The following IRAG1 variants were observed in gnomAD, a reference collection of about 807,000 sequenced individuals.
IRAG1 encodes inositol 1,4,5-triphosphate receptor associated 1, also known as IP3R-associated cGMP kinase substrate.
IRAG1 carries 62 observed loss-of-function variants against 106.2 expected under a neutral mutation model. That is an observed-to-expected ratio of 0.58 (90% CI 0.48 to 0.72). The LOEUF (loss-of-function observed/expected upper bound fraction) is 0.72, where lower values mean the gene tolerates loss of function less well. Among genes scored for constraint, IRAG1 ranks in the 30% least tolerant of loss-of-function variants. The pLI is 0.00. For synonymous variants in IRAG1, 462 were observed against 443.9 expected (o/e 1.04, Z -0.51); for missense variants, 1,064 against 1,140.7 (o/e 0.93, Z 0.97).
chr11:10,622,615 C>A (rs1855918661), intron 10 of IRAG1, among the ~76,000 whole-genome samples: 1 of 152,100 alleles, frequency 6.6e-6, no homozygotes, highest in African/African-American at 2.4e-5. Context: ...AGCGATCCTC[C>A]CACCTCAGCC....
chr11:10,681,019 G>A (rs1861212805), intron 1 of IRAG1, among the ~76,000 whole-genome samples: 1 of 152,208 alleles, frequency 6.6e-6, no homozygotes, highest in African/African-American at 2.4e-5. Context: ...GCAGATGGTA[G>A]TTAGCTGCTT....
intron 1 of IRAG1, among the ~76,000 whole-genome samples, chr11:10,672,570 C>T (rs374273518): frequency 7.9e-5 from 12 of 152,256 alleles, no homozygotes; most frequent in African/African-American, 2.4e-4. Flanking sequence ...AGCACATGAA[C>T]AGATGTTCAA....
intron 1 of IRAG1, chr11:10,658,685 G>A (rs927671547): frequency 1.5e-5 from 3 of 195,314 alleles, no homozygotes; most frequent in African/African-American, 2.4e-5. Flanking sequence ...TCCGTGCTGT[G>A]GTCAGTCCCA....
rs1222941591 is a variant in IRAG1 at position 10,654,240 on chromosome 11, C to CT, written c.68-2059_68-2058insA. On this transcript the variant is annotated intron_variant, in intron 1 of 20. Coordinates refer to ENST00000423302, the MANE Select transcript of IRAG1 (RefSeq NM_130385.4). ...ATCAGCCCAGCTCTGACAGACCCCC[C>CT]AGCCAACACACATACCTCTAGACTC... Among the ~76,000 whole-genome samples, 4 of 152,244 alleles carry CT rather than the reference C, an allele frequency of 2.6e-5. No homozygotes were observed. The East Asian group carries it at 7.7e-4, about 29-fold the overall frequency.
Position 10,633,976 on chromosome 11 carries a change from C to T in IRAG1, c.321G>A (p.Leu107=), listed in dbSNP as rs1856940394. The T allele has an allele frequency of 6.2e-7, 1 of 1,609,926 alleles. No individual in the cohort carries two copies. The highest frequency in any genetic ancestry group is 8.5e-7 in the Non-Finnish European group (1 of 1,177,410). Residue 107 remains leucine, a synonymous_variant, in exon 3 of 21, where the codon CTG becomes CTA. Coordinates refer to ENST00000423302, the MANE Select transcript of IRAG1 (RefSeq NM_130385.4). ...TSPEGETDKN[L]ANRVHSPHKR... The stretch of plus-strand genomic sequence containing the variant: ...GGATCAGGCACCTGTACCTGTTGGC[C>T]AGGTTTTTGTCGGTTTCTCCTTCTG...
chr11:10,625,748 C>A (rs1413726051), intron 9 of IRAG1, among the ~76,000 whole-genome samples: 1 of 151,876 alleles, frequency 6.6e-6, no homozygotes, highest in Non-Finnish European at 1.5e-5. Flanking sequence ...CTGAGCTCTG[C>A]CTGGTAACTG....
Position 10,609,733 on chromosome 11 carries a change from A to C in IRAG1, c.1566T>G (p.Pro522=), listed in dbSNP as rs1854788299. ...AACCCACATCCTGATTTTACCTTCC[A>C]GGGAGACTCCTGTGGACCCGCAGTT... is the stretch of plus-strand genomic sequence containing the variant. The part of the protein sequence containing the change: ...LRKLRVHRSL[P]GSAPPLTEKE... Residue 522 remains proline, a synonymous_variant, in exon 11 of 21, where the codon CCT becomes CCG. Transcript: ENST00000423302. 1 of 1,613,640 alleles carries C rather than the reference A, an allele frequency of 6.2e-7. No individual in the cohort carries two copies. Among genetic ancestry groups the C allele is most frequent in the South Asian group, 1.1e-5 (1 of 91,054 alleles).
intron 10 of IRAG1, among the ~76,000 whole-genome samples, chr11:10,623,142 T>C (rs547126463): frequency 3.1e-3 from 470 of 152,250 alleles, no homozygotes; most frequent in Non-Finnish European, 4.0e-3. Flanking sequence ...GGGCTCGACA[T>C]ACTCATGCAG....
At chr11:10,593,868 G>A (rs1249600786) in intron 16 of IRAG1, 3 of 572,436 alleles carry the variant, frequency 5.2e-6, no homozygotes, top group African/African-American at 3.8e-5. Flanking sequence ...ACAGTCTCTG[G>A]GTAACACCCT....
Position 10,581,927 on chromosome 11 carries a change from C to T in IRAG1, c.2300G>A (p.Cys767Tyr), listed in dbSNP as rs543314472. Residue 767 changes from cysteine (C) to tyrosine (Y), a missense_variant, in exon 19 of 21, where the codon TGC (cysteine) becomes TAC (tyrosine). Transcript: ENST00000423302. ...EASAPALTLS[C>Y]LEELSQETKA... is the part of the protein sequence containing the mutation. ...GGTCTCCTGACTAAGCTCCTCCAGG[C>T]AGCTCAGGGTCAGCGCAGGAGCAGA... 5.0e-6 allele frequency: 8 copies of T among 1,613,840 alleles called. No homozygotes were observed. The highest frequency in any genetic ancestry group is 5.9e-6 in the Non-Finnish European group (7 of 1,179,842).
At chr11:10,594,910 ATG>A (rs934893200) in intron 15 of IRAG1, among the ~76,000 whole-genome samples, 4 of 152,078 alleles carry the variant, frequency 2.6e-5, no homozygotes, top group Admixed American at 1.3e-4. Flanking sequence ...ACATAGCCGT[ATG>A]TGTTTTTTCA....
chr11:10,594,625 A>T (rs948365304), intron 15 of IRAG1, among the ~76,000 whole-genome samples: 7 of 152,190 alleles, frequency 4.6e-5, no homozygotes, highest in African/African-American at 1.7e-4. Context: ...TTGCTAACAG[A>T]AGTAGTTTCA....
chr11:10,669,003 A>G (rs961780375), intron 1 of IRAG1, among the ~76,000 whole-genome samples: 18 of 152,150 alleles, frequency 1.2e-4, no homozygotes, highest in Admixed American at 9.8e-4. Flanking sequence ...ATTTCCCCTG[A>G]TAGAGAGGGG....
intron 17 of IRAG1, 139 bp downstream of exon 17, chr11:10,593,353 T>C: frequency 1.6e-6 from 1 of 628,538 alleles, no homozygotes; most frequent in Admixed American, 2.9e-5. Flanking sequence ...TTTGAGCCTA[T>C]CACTCAGATT....
At position 10,606,789 on chromosome 11, in the gene IRAG1, A is replaced by C; in HGVS notation, c.1572-17T>G. The C allele has an allele frequency of 6.4e-7, 1 of 1,574,298 alleles. No individual in the cohort carries two copies. The highest frequency in any genetic ancestry group is 8.6e-7 in the Non-Finnish European group (1 of 1,158,676). On this transcript the variant is annotated splice_polypyrimidine_tract_variant and intron_variant, in intron 11 of 20. Transcript: ENST00000423302. ...GGAGGGGCACTGTGAAAAAGAAAACACACAATTGAACTGTGTGCAACCTAG... is the reference window on the plus strand; with the variant it reads ...GGAGGGGCACTGTGAAAAAGAAAACCCACAATTGAACTGTGTGCAACCTAG...
chr11:10,593,008 T>G (rs954370163), intron 17 of IRAG1, among the ~76,000 whole-genome samples: 1 of 152,226 alleles, frequency 6.6e-6, no homozygotes, highest in African/African-American at 2.4e-5. Flanking sequence ...GCTTAACCAA[T>G]CTCTTATTAG....
At position 10,657,467 on chromosome 11, in the gene IRAG1, A is replaced by T. The variant is rs138075819; in HGVS notation, c.68-5285T>A. On this transcript the variant is annotated intron_variant, in intron 1 of 20. Transcript: ENST00000423302. The surrounding 1 kb of genome is among the most constrained non-coding windows in gnomAD (Gnocchi z 4.1). ...CTCCTCTCTGAAACCACAGTATCCC[A>T]GGAGCACAGCCCGTAAGCTAAGCGG... Among the ~76,000 whole-genome samples the T allele has an allele frequency of 6.6e-6, 1 of 152,284 alleles. No individual in the cohort carries two copies. The highest frequency in any genetic ancestry group is 2.4e-5 in the African/African-American group (1 of 41,554).
In IRAG1 at chr11:10,576,460, G is replaced by A. The variant is rs1045119596; in HGVS notation, c.2611C>T (p.Leu871Phe). 6 of 1,613,846 alleles carry A rather than the reference G, an allele frequency of 3.7e-6. No individual in the cohort carries two copies. The highest frequency in any genetic ancestry group is 5.1e-6 in the Non-Finnish European group (6 of 1,179,888). ...GCACAAGAGTTATAGGAATTGTAGA[G>A]CCCCAGCACAACAGTCAAGACCAGC... Reference protein sequence around the residue: ...VMLVLTVVLGLYNSYNSCAEQ... With the variant: ...VMLVLTVVLGFYNSYNSCAEQ... Residue 871 changes from leucine (L) to phenylalanine (F), a missense_variant, in exon 21 of 21, where the codon CTC becomes TTC. Physicochemically the swap from Leu to Phe is conservative, Grantham distance 22. Coordinates refer to ENST00000423302, the MANE Select transcript of IRAG1 (RefSeq NM_130385.4).
At chr11:10,655,774 C>T (rs185868795) in intron 1 of IRAG1, among the ~76,000 whole-genome samples, 16 of 152,300 alleles carry the variant, frequency 1.1e-4, no homozygotes, top group Admixed American at 9.2e-4. Context: ...TTTCTTCCTC[C>T]ACCTCCCTCT....
Sources: allele counts gnomAD v4.1 joint callset (sites outside exome capture counted in the v4.1 genomes callset), GRCh38; gene constraint gnomAD v4.1.1; non-coding constraint Gnocchi (gnomAD v3.1); transcripts MANE v1.5; gene names NCBI Gene and HGNC (gene_info 2026-07-23, HGNC 2026-07-21).